CNGA1: variants seen among roughly 807,000 people sequenced by gnomAD.
CNGA1 encodes the protein cyclic nucleotide gated channel subunit alpha 1, also known as cyclic nucleotide-gated channel alpha-1.
In CNGA1, 53 loss-of-function variants were observed where a neutral mutation model predicts 69.7. That is an observed-to-expected ratio of 0.76 (90% CI 0.61 to 0.96). CNGA1 has a LOEUF of 0.96. CNGA1 is among the 40% of genes least tolerant of loss of function. CNGA1 has a pLI of 0.00. For missense variants in CNGA1, 739 were observed against 811.2 expected, an observed-to-expected ratio of 0.91 and a Z score of 1.08; for synonymous variants, 249 against 283.5, an observed-to-expected ratio of 0.88 and a Z score of 1.22.
At chr4:47,996,868 T>C (rs1379767534) in intron 2 of CNGA1, among the ~76,000 whole-genome samples, 1 of 152,096 alleles carries the variant, frequency 6.6e-6, no homozygotes, top group Non-Finnish European at 1.5e-5. Context: ...GAGATCAGCC[T>C]GGCCAACATG....
At chr4:47,946,361 C>T (rs1739398128) in intron 6 of CNGA1, among the ~76,000 whole-genome samples, 1 of 152,228 alleles carries the variant, frequency 6.6e-6, no homozygotes, top group Admixed American at 6.5e-5. Context: ...GGTTCTGGGT[C>T]AGTCATTGTG....
At chr4:48,003,303 G>A (rs1160031551) in intron 2 of CNGA1, among the ~76,000 whole-genome samples, 1 of 152,180 alleles carries the variant, frequency 6.6e-6, no homozygotes, top group Non-Finnish European at 1.5e-5. Flanking sequence ...CTCTCCAAAG[G>A]AGGCAATCAG....
At chr4:47,945,087 G>T in intron 6 of CNGA1, among the ~76,000 whole-genome samples, 1 of 152,154 alleles carries the variant, frequency 6.6e-6, no homozygotes. Flanking sequence ...TCCTAGTAGG[G>T]CATGGTGGCT....
intron 2 of CNGA1, among the ~76,000 whole-genome samples, chr4:47,994,372 T>C (rs1343778907): frequency 1.3e-5 from 2 of 152,180 alleles, no homozygotes; most frequent in African/African-American, 4.8e-5. Flanking sequence ...GTTAGGCGCA[T>C]ATATGTTTAG....
chr4:47,962,360 T>C (rs1336208219), intron 3 of CNGA1, among the ~76,000 whole-genome samples: 2 of 146,650 alleles, frequency 1.4e-5, no homozygotes, highest in Non-Finnish European at 3.0e-5. Flanking sequence ...AAAAAAAAAA[T>C]TGATTACATG....
At chr4:48,012,405 G>C (rs1479695295) in intron 1 of CNGA1, among the ~76,000 whole-genome samples, 3 of 152,110 alleles carry the variant, frequency 2.0e-5, no homozygotes, top group African/African-American at 7.2e-5. Flanking sequence ...TAGCTATCGG[G>C]TGGGACCTTA....
intron 3 of CNGA1, among the ~76,000 whole-genome samples, chr4:47,962,784 A>C (rs1168224272): frequency 1.3e-5 from 2 of 152,206 alleles, no homozygotes; most frequent in East Asian, 1.9e-4. Context: ...TTTTAATATT[A>C]AAGTTGTCAT....
intron 3 of CNGA1, among the ~76,000 whole-genome samples, chr4:47,959,343 C>A (rs2110174147): frequency 6.6e-6 from 1 of 152,280 alleles, no homozygotes; most frequent in African/African-American, 2.4e-5. Context: ...ATTAGTCCCA[C>A]TAATTCCATG....
Position 47,942,162 on chromosome 4 carries a change from G to A in CNGA1, c.438-14C>T. 4.1e-6 allele frequency: 6 copies of A among 1,469,796 alleles called. No individual in the cohort carries two copies. Among genetic ancestry groups the A allele is most frequent in the Non-Finnish European group, 5.7e-6 (6 of 1,048,280 alleles). The allele number at this position is 1,469,796 out of a possible 1,614,324, so 91.0% of individuals were successfully genotyped here. A position where few individuals can be genotyped will look rare whatever the true frequency, so the allele number is the denominator to read the frequency against. On this transcript the variant is annotated splice_polypyrimidine_tract_variant and intron_variant, in intron 8 of 10. Transcript: ENST00000514170. ...TCTTTCTTCTCCCTAGCGGCAATTAGAAATAAAGGGGATAGTTACCAAGAT... is the reference window on the plus strand; with the variant it reads ...TCTTTCTTCTCCCTAGCGGCAATTAAAAATAAAGGGGATAGTTACCAAGAT...
chr4:47,953,544 T>A (rs767306704), intron 3 of CNGA1, among the ~76,000 whole-genome samples: 3 of 152,196 alleles, frequency 2.0e-5, no homozygotes, highest in Non-Finnish European at 4.4e-5. Context: ...TCCCCTAAAT[T>A]ATTCAGATGC....
chr4:47,983,155 C>G (rs1237328210), intron 2 of CNGA1, among the ~76,000 whole-genome samples: 1 of 152,176 alleles, frequency 6.6e-6, no homozygotes, highest in Non-Finnish European at 1.5e-5. Flanking sequence ...TTAGTGTTTA[C>G]TTAGAAATTA....
intron 2 of CNGA1, among the ~76,000 whole-genome samples, chr4:47,992,422 C>A (rs1056363083): frequency 2.0e-5 from 3 of 148,604 alleles, no homozygotes; most frequent in African/African-American, 7.6e-5. Context: ...GGTTTTTTTG[C>A]AGCTATTGTA....
intron 3 of CNGA1, among the ~76,000 whole-genome samples, chr4:47,976,306 TATATATAC>T (rs1741402898): frequency 3.0e-5 from 1 of 33,892 alleles, no homozygotes; most frequent in African/African-American, 8.8e-5. Context: ...CACATACATA[TATATATAC>T]ATATATATGT....
intron 2 of CNGA1, among the ~76,000 whole-genome samples, chr4:48,006,626 C>A (rs966512615): frequency 4.1e-5 from 6 of 146,266 alleles, no homozygotes; most frequent in Admixed American, 2.0e-4. Context: ...CAAAAAAAGA[C>A]ATAATTTTTT....
chr4:48,010,225 A>C (rs1423947850), intron 2 of CNGA1, among the ~76,000 whole-genome samples: 1 of 152,192 alleles, frequency 6.6e-6, no homozygotes, highest in East Asian at 1.9e-4. Context: ...AATTATAGAA[A>C]TCTATCATAG....
At position 47,936,586 on chromosome 4, in the gene CNGA1, G is replaced by T. The variant is rs1352363414; in HGVS notation, c.1896C>A (p.Leu632=). The change falls in exon 11 of 11, where the codon CTC becomes CTA. Residue 632 remains leucine, a synonymous_variant. Coordinates refer to ENST00000514170, the MANE Select transcript of CNGA1 (RefSeq NM_001379270.1). ...AGATTCGGGCAAACCTGGTTTGCAG[G>T]AGGTCTACTGACCCCTCCATTCGAG... ...KVTRMEGSVD[L]LQTRFARILA... 1 of 1,614,038 alleles carries T rather than the reference G, an allele frequency of 6.2e-7. No individual in the cohort carries two copies. The highest frequency in any genetic ancestry group is 8.5e-7 in the Non-Finnish European group (1 of 1,180,024).
chr4:47,987,244 G>C (rs1439710722), intron 2 of CNGA1, among the ~76,000 whole-genome samples: 3 of 152,070 alleles, frequency 2.0e-5, no homozygotes, highest in Admixed American at 2.0e-4. Flanking sequence ...GCATGACACT[G>C]ATTCTCTGTA....
chr4:47,979,889 G>T (rs1363045382), intron 3 of CNGA1, among the ~76,000 whole-genome samples: 1 of 152,008 alleles, frequency 6.6e-6, no homozygotes, highest in Non-Finnish European at 1.5e-5. Context: ...AATTAAAGAG[G>T]TTTCTTTTCC....
intron 3 of CNGA1, among the ~76,000 whole-genome samples, chr4:47,976,830 GTTGA>G (rs894983258): frequency 6.6e-6 from 1 of 152,168 alleles, no homozygotes; most frequent in Non-Finnish European, 1.5e-5. Context: ...AAAATAGAAT[GTTGA>G]TTAAGACAGG....
Sources: allele counts gnomAD v4.1 joint callset (sites outside exome capture counted in the v4.1 genomes callset), GRCh38; gene constraint gnomAD v4.1.1; transcripts MANE v1.5; gene names NCBI Gene and HGNC (gene_info 2026-07-23, HGNC 2026-07-21).